Variants in BRSK1 observed in about 807,000 individuals in gnomAD.
BRSK1 encodes the protein BR serine/threonine kinase 1.
A neutral mutation model predicts 86.2 loss-of-function variants in BRSK1; 17 were observed. That is an observed-to-expected ratio of 0.20 (90% CI 0.14 to 0.30). The LOEUF (loss-of-function observed/expected upper bound fraction) is 0.30. BRSK1 is among the 10% of genes least tolerant of loss of function. The probability of loss-of-function intolerance (pLI) is 1.00; values close to 1 mark genes in which losing one functional copy is unlikely to be tolerated. For missense variants in BRSK1, 719 were observed against 1,071.9 expected, an observed-to-expected ratio of 0.67 and a Z score of 4.60; for synonymous variants, 464 against 440.1, an observed-to-expected ratio of 1.05 and a Z score of -0.68.
At chr19:55,291,625 C>T (rs2088407719) in intron 4 of BRSK1, among the ~76,000 whole-genome samples, 2 of 152,214 alleles carry the variant, frequency 1.3e-5, no homozygotes, top group Admixed American at 6.5e-5. Flanking sequence ...ATGCCTTCAT[C>T]TTTTAGCCTC....
At chr19:55,301,192 C>T (rs73053182) in intron 7 of BRSK1, among the ~76,000 whole-genome samples, 2,211 of 152,324 alleles carry the variant, frequency 0.015, 23 homozygotes, top group Non-Finnish European at 0.022. Flanking sequence ...ACTGCTGGAT[C>T]CCTGACCTGT....
At chr19:55,288,758 T>A (rs1164140924) in intron 3 of BRSK1, among the ~76,000 whole-genome samples, 1 of 152,028 alleles carries the variant, frequency 6.6e-6, no homozygotes, top group African/African-American at 2.4e-5. Flanking sequence ...GCTAATTTTG[T>A]ATTTTTAGTA....
intron 18 of BRSK1, 50 bp from the exon 19 acceptor site, chr19:55,311,861 C>T (rs774514024): frequency 1.9e-6 from 3 of 1,594,072 alleles, no homozygotes; most frequent in East Asian, 2.3e-5. Context: ...GTAATGGGAA[C>T]CCCAACCCTG....
In BRSK1 at chr19:55,302,207, A is replaced by T. The variant is rs767733963; in HGVS notation, c.857+39A>T. On this transcript the variant is annotated intron_variant, in intron 9 of 18. Transcript: ENST00000309383. The surrounding 1 kb of genome is among the most constrained non-coding windows in gnomAD (Gnocchi z 6.3). ...AACTGGACTCTTGGGTCCCTGGCGG[A>T]AATAGGGGAGGGGCCAAAGCAGTAG... The T allele has an allele frequency of 6.2e-7, 1 of 1,612,964 alleles. No individual in the cohort carries two copies. Among genetic ancestry groups the T allele is most frequent in the East Asian group, 2.2e-5 (1 of 44,856 alleles).
intron 7 of BRSK1, among the ~76,000 whole-genome samples, chr19:55,300,282 T>C (rs2088551566): frequency 6.6e-6 from 1 of 152,166 alleles, no homozygotes; most frequent in South Asian, 2.1e-4. Flanking sequence ...GGCCCAGCAC[T>C]GTCATGTACT....
intron 4 of BRSK1, among the ~76,000 whole-genome samples, chr19:55,292,477 G>A (rs1406308055): frequency 1.3e-5 from 2 of 152,158 alleles, no homozygotes; most frequent in Non-Finnish European, 2.9e-5. Context: ...GCTGGGCGAT[G>A]GGTAAGTGAG....
chr19:55,288,937 C>T (rs2088364357), intron 3 of BRSK1, among the ~76,000 whole-genome samples: 1 of 152,162 alleles, frequency 6.6e-6, no homozygotes, highest in African/African-American at 2.4e-5. Context: ...CGTCTATTGC[C>T]TCACAGAAGC....
intron 7 of BRSK1, 32 bp from the exon 8 acceptor site, chr19:55,301,480 C>T: frequency 6.2e-7 from 1 of 1,608,030 alleles, no homozygotes; most frequent in Non-Finnish European, 8.5e-7. Context: ...GTGAAATGTG[C>T]TAATGAGGGG....
chr19:55,289,152 G>C (rs2122936956), intron 3 of BRSK1, among the ~76,000 whole-genome samples: 1 of 152,168 alleles, frequency 6.6e-6, no homozygotes, highest in Non-Finnish European at 1.5e-5. Context: ...AAACCATTAT[G>C]AGTCAAAGTG....
At chr19:55,309,743 T>G (rs1402071030) in intron 18 of BRSK1, among the ~76,000 whole-genome samples, 3 of 152,174 alleles carry the variant, frequency 2.0e-5, no homozygotes, top group Non-Finnish European at 4.4e-5. Flanking sequence ...CAGTGTTCAG[T>G]AGAGAGCATA....
chr19:55,307,548 C>CAAAA (rs11378640), intron 17 of BRSK1, among the ~76,000 whole-genome samples: 1,026 of 80,596 alleles, frequency 0.013, 33 homozygotes, highest in African/African-American at 0.046. Context: ...GACTCTGTCT[C>CAAAA]AAAAAAAAAA....
rs2088336459 is a variant in BRSK1, at chr19:55,287,494, T to C, written c.317+195T>C. ...AGGGAACCCCACTGTTGTCACGCTG[T>C]GTTGGGCCTGAGGCCAAGGGCAACC... On this transcript the variant is annotated intron_variant, in intron 3 of 18. Transcript: ENST00000309383. This position sits in a 1 kb window ranked among gnomAD's most constrained non-coding sequence, Gnocchi z 5.3. Among the ~76,000 whole-genome samples the C allele has an allele frequency of 6.6e-6, 1 of 152,170 alleles. No homozygotes were observed. Among genetic ancestry groups the C allele is most frequent in the Admixed American group, 6.5e-5 (1 of 15,286 alleles).
chr19:55,287,234 C>T lies in BRSK1; in HGVS notation c.252C>T (p.Ile84=), dbSNP rs141794317. 2.0e-4 allele frequency: 316 copies of T among 1,614,086 alleles called. 1 individual carries two copies. The African/African-American group carries it at 3.9e-3, about 20-fold the overall frequency. Reference sequence around the variant, plus strand: ...CTCAGGTGGAGCGGGAGATCGCCATCCTGAAGCTCATCGAACACCCACATG... The same window carrying T: ...CTCAGGTGGAGCGGGAGATCGCCATTCTGAAGCTCATCGAACACCCACATG... ...VLMKVEREIA[I]LKLIEHPHVL... Residue 84 remains isoleucine, a synonymous_variant, in exon 3 of 19, where the codon ATC becomes ATT. Coordinates refer to ENST00000309383, the MANE Select transcript of BRSK1 (RefSeq NM_032430.2). This position sits in a 1 kb window ranked among gnomAD's most constrained non-coding sequence, Gnocchi z 5.3.
In BRSK1 at chr19:55,287,089, G is replaced by A. The variant is rs760341371; in HGVS notation, c.219G>A (p.Ser73=). The A allele has an allele frequency of 1.7e-5, 28 of 1,613,318 alleles. No individual in the cohort carries two copies. Among genetic ancestry groups the A allele is most frequent in the Admixed American group, 1.0e-4 (6 of 59,924 alleles). ...KIVNREKLSE[S]VLMKVEREIA... Reference sequence around the variant, plus strand: ...TGAACCGGGAGAAGCTGTCGGAGTCGGTGCTGATGAAGGTGTGTGCGCCTG... The same window carrying A: ...TGAACCGGGAGAAGCTGTCGGAGTCAGTGCTGATGAAGGTGTGTGCGCCTG... Residue 73 remains serine, a synonymous_variant, in exon 2 of 19, where the codon TCG becomes TCA. Coordinates refer to ENST00000309383, the MANE Select transcript of BRSK1 (RefSeq NM_032430.2). This position sits in a 1 kb window ranked among gnomAD's most constrained non-coding sequence, Gnocchi z 5.3.
rs1334030708 is a variant in BRSK1, at chr19:55,303,825, A to C, written c.1285A>C (p.Arg429=). Residue 429 remains arginine, a splice_region_variant and synonymous_variant, in exon 12 of 19, where the codon AGA becomes CGA. Transcript: ENST00000309383. This position sits in a 1 kb window ranked among gnomAD's most constrained non-coding sequence, Gnocchi z 5.1. ...RALEMAQHSQ[R]SRSVSGASTG... ...CTTGGAGATGGCCCAGCACAGCCAG[A>C]GGTGGGAGCCCCTGTCCCTCCAGGA... The C allele has an allele frequency of 6.4e-7, 1 of 1,568,086 alleles. No individual in the cohort carries two copies. The highest frequency in any genetic ancestry group is 1.9e-5 in the Admixed American group (1 of 52,580).
intron 18 of BRSK1, 109 bp from the exon 19 acceptor site, chr19:55,311,802 T>C: frequency 3.4e-6 from 4 of 1,173,264 alleles, no homozygotes; most frequent in Non-Finnish European, 4.8e-6. Flanking sequence ...AGCTAGAGCC[T>C]CGGGGTTACT....
chr19:55,292,621 G>A (rs965136794), intron 4 of BRSK1, among the ~76,000 whole-genome samples: 3 of 151,902 alleles, frequency 2.0e-5, no homozygotes, highest in South Asian at 4.2e-4. Context: ...ATTACCTGAC[G>A]TGAAGAGTTC....
Position 55,304,897 on chromosome 19 carries a change from G to T in BRSK1, c.1694G>T (p.Arg565Leu). Residue 565 changes from arginine (R) to leucine (L), a missense_variant, in exon 14 of 19, where the codon CGC (arginine) becomes CTC (leucine). Arg to Leu is a moderately radical substitution (Grantham distance 102). Transcript: ENST00000309383. The surrounding 1 kb of genome is among the most constrained non-coding windows in gnomAD (Gnocchi z 5.2). ...SIRNSFLGSPRFHRRKMQVPT... is the reference protein window; with the variant it reads ...SIRNSFLGSPLFHRRKMQVPT... ...CGCAACAGCTTCCTGGGCTCCCCTC[G>T]CTTTCACCGGCGCAAGATGCAGGGT... is the stretch of plus-strand genomic sequence containing the variant. 6.2e-7 allele frequency: 1 copy of T among 1,608,750 alleles called. No homozygotes were observed. The highest frequency in any genetic ancestry group is 8.5e-7 in the Non-Finnish European group (1 of 1,179,780).
At position 55,305,525 on chromosome 19, in the gene BRSK1, T is replaced by C; in HGVS notation, c.1829T>C (p.Leu610Pro). ...ISLDKEEQIF[L>P]VLKDKPLSSI... Reference sequence around the variant, plus strand: ...TTGGACAAAGAAGAACAAATATTCCTCGTGCTAAAGGACAAACCTCTCAGC... The same window carrying C: ...TTGGACAAAGAAGAACAAATATTCCCCGTGCTAAAGGACAAACCTCTCAGC... Residue 610 changes from leucine (L) to proline (P), a missense_variant, in exon 16 of 19, where the codon CTC becomes CCC. Transcript: ENST00000309383. 6.2e-7 allele frequency: 1 copy of C among 1,614,164 alleles called. No individual in the cohort carries two copies. The highest frequency in any genetic ancestry group is 8.5e-7 in the Non-Finnish European group (1 of 1,180,032).
Sources: gnomAD v4.1 joint callset for allele counts (sites outside exome capture counted in the v4.1 genomes callset) on GRCh38, gnomAD v4.1.1 for gene constraint, Gnocchi (gnomAD v3.1) non-coding constraint, MANE v1.5 for transcripts, NCBI Gene and HGNC (gene_info 2026-07-23, HGNC 2026-07-21) for gene names.